Variants in SUSD4 observed in about 807,000 individuals in gnomAD.
SUSD4 encodes sushi domain-containing protein 4.
In SUSD4, 41 loss-of-function variants were observed where a neutral mutation model predicts 50.5. The observed-to-expected ratio is 0.81, with a 90% CI of 0.63 to 1.05. The LOEUF is 1.05. Among genes scored for constraint, SUSD4 ranks in the 50% least tolerant of loss-of-function variants. SUSD4 has a pLI of 0.00. For missense variants in SUSD4, 580 were observed against 634.7 expected, an observed-to-expected ratio of 0.91 and a Z score of 0.93; for synonymous variants, 257 against 257.3, an observed-to-expected ratio of 1.00 and a Z score of 0.01.
chr1:223,296,014 G>A (rs1430410710), intron 2 of SUSD4, among the ~76,000 whole-genome samples: 1 of 151,620 alleles, frequency 6.6e-6, no homozygotes, highest in South Asian at 2.1e-4. Flanking sequence ...CAGGATCATT[G>A]GGCACCTTTA....
At chr1:223,223,668 A>T in intron 7 of SUSD4, 37 bp from the exon 8 acceptor site, 4 of 1,554,944 alleles carry the variant, frequency 2.6e-6, no homozygotes, top group Non-Finnish European at 3.5e-6. Context: ...TGTGAGAGCC[A>T]TGCCACTCTG....
At chr1:223,246,970 T>G (rs1453502526) in intron 5 of SUSD4, among the ~76,000 whole-genome samples, 1 of 152,238 alleles carries the variant, frequency 6.6e-6, no homozygotes, top group East Asian at 1.9e-4. Context: ...ATATTTAGAA[T>G]GTACAATGAA....
intron 5 of SUSD4, among the ~76,000 whole-genome samples, chr1:223,251,304 G>A (rs1481826959): frequency 6.6e-6 from 1 of 152,180 alleles, no homozygotes; most frequent in African/African-American, 2.4e-5. Flanking sequence ...AAGAACAGGT[G>A]TGTCACATGG....
intron 3 of SUSD4, among the ~76,000 whole-genome samples, chr1:223,278,241 G>A (rs916556082): frequency 2.0e-4 from 30 of 152,276 alleles, no homozygotes; most frequent in African/African-American, 6.3e-4. Context: ...GCAGCCCACC[G>A]AGTGTGAGCC....
At chr1:223,254,610 T>G (rs751444824) in intron 5 of SUSD4, among the ~76,000 whole-genome samples, 1 of 152,114 alleles carries the variant, frequency 6.6e-6, no homozygotes, top group Non-Finnish European at 1.5e-5. Context: ...GCCTGAAAAC[T>G]TGGATCTACT....
At chr1:223,239,804 T>C (rs1660459670) in intron 5 of SUSD4, among the ~76,000 whole-genome samples, 1 of 152,130 alleles carries the variant, frequency 6.6e-6, no homozygotes, top group Non-Finnish European at 1.5e-5. Flanking sequence ...GAATAAACTG[T>C]TATCCACTAG....
At chr1:223,318,615 T>C (rs1477795471) in intron 2 of SUSD4, among the ~76,000 whole-genome samples, 1 of 144,368 alleles carries the variant, frequency 6.9e-6, no homozygotes, top group Non-Finnish European at 1.5e-5. Flanking sequence ...CCAGTGATGA[T>C]GAGCATTTCT....
At chr1:223,334,217 G>C (rs1475638148) in intron 2 of SUSD4, among the ~76,000 whole-genome samples, 1 of 152,114 alleles carries the variant, frequency 6.6e-6, no homozygotes, top group Non-Finnish European at 1.5e-5. Flanking sequence ...AAAGGAAACA[G>C]AGGAAGAGTT....
At chr1:223,348,526 T>C (rs1273208652) in intron 2 of SUSD4, among the ~76,000 whole-genome samples, 1 of 152,220 alleles carries the variant, frequency 6.6e-6, no homozygotes. Flanking sequence ...AAGCCAGTTG[T>C]GGCAGGAAAC....
chr1:223,264,102 C>G (rs1571917007), intron 5 of SUSD4: 1 of 985,426 alleles, frequency 1.0e-6, no homozygotes, highest in East Asian at 1.1e-4. Flanking sequence ...CTACTTCATA[C>G]TACTGATTAG....
intron 3 of SUSD4, among the ~76,000 whole-genome samples, chr1:223,282,840 T>C (rs1351681090): frequency 6.6e-6 from 1 of 152,152 alleles, no homozygotes; most frequent in Non-Finnish European, 1.5e-5. Flanking sequence ...CTTCAAACTA[T>C]ACTACAAGGC....
At chr1:223,308,783 T>C (rs572607833) in intron 2 of SUSD4, among the ~76,000 whole-genome samples, 209 of 152,270 alleles carry the variant, frequency 1.4e-3, no homozygotes, top group African/African-American at 4.9e-3. Flanking sequence ...TTTCCTTCTA[T>C]TCTGAGGGCA....
intron 2 of SUSD4, among the ~76,000 whole-genome samples, chr1:223,342,340 C>T (rs1273176201): frequency 6.6e-6 from 1 of 152,138 alleles, no homozygotes; most frequent in African/African-American, 2.4e-5. Flanking sequence ...GAGAGGGTTG[C>T]CATTTTTCTG....
chr1:223,274,633 T>G (rs1418152), intron 3 of SUSD4, among the ~76,000 whole-genome samples: 43,573 of 152,194 alleles, frequency 0.29, 7,594 homozygotes, highest in Non-Finnish European at 0.4. Flanking sequence ...AATATTTTAT[T>G]TATTTGTGGT....
At chr1:223,360,667 G>T (rs886203966) in intron 2 of SUSD4, among the ~76,000 whole-genome samples, 3 of 151,922 alleles carry the variant, frequency 2.0e-5, no homozygotes, top group Admixed American at 6.6e-5. Context: ...TTCAATACTT[G>T]TACTGGGCAC....
chr1:223,233,352 G>C (rs374468706), intron 5 of SUSD4, among the ~76,000 whole-genome samples: 2 of 152,170 alleles, frequency 1.3e-5, no homozygotes, highest in African/African-American at 4.8e-5. Flanking sequence ...CTTTTAACTT[G>C]GAAGGAAACA....
chr1:223,365,218 C>T (rs931065026), upstream of SUSD4, among the ~76,000 whole-genome samples: 6 of 148,204 alleles, frequency 4.0e-5, no homozygotes, highest in African/African-American at 1.5e-4. Context: ...TGCGCCGATT[C>T]TGGTGTCGGA....
intron 2 of SUSD4, among the ~76,000 whole-genome samples, chr1:223,350,420 T>C (rs1346732458): frequency 6.6e-6 from 1 of 152,180 alleles, no homozygotes; most frequent in African/African-American, 2.4e-5. Context: ...AAGCCATGTT[T>C]GGACCCTCAT....
chr1:223,236,127 C>T (rs752990031), intron 5 of SUSD4, among the ~76,000 whole-genome samples: 27 of 152,196 alleles, frequency 1.8e-4, no homozygotes, highest in Non-Finnish European at 3.1e-4. Flanking sequence ...AGCATCTTTT[C>T]ATATGCTTGT....
Sources: allele counts gnomAD v4.1 joint callset (sites outside exome capture counted in the v4.1 genomes callset), GRCh38; gene constraint gnomAD v4.1.1; transcripts MANE v1.5; gene names NCBI Gene and HGNC (gene_info 2026-07-23, HGNC 2026-07-21).